Variants in DENND6A observed in about 807,000 individuals in gnomAD.
DENND6A encodes the protein protein DENND6A.
Under a neutral mutation model 95.5 loss-of-function variants are expected in DENND6A, and 43 were observed. The observed-to-expected ratio is 0.45, with a 90% CI of 0.35 to 0.58. The LOEUF (loss-of-function observed/expected upper bound fraction) is 0.58. Among genes scored for constraint, DENND6A ranks in the 20% least tolerant of loss-of-function variants. The pLI is 0.00. For synonymous variants in DENND6A, 257 were observed against 260.4 expected, an observed-to-expected ratio of 0.99 and a Z score of 0.13; for missense variants, 574 against 736.0, an observed-to-expected ratio of 0.78 and a Z score of 2.55.
At position 57,676,375 on chromosome 3, in the gene DENND6A, T is replaced by TAAAA. The variant is rs35465829; in HGVS notation, c.238-3941_238-3938dup. ...AGCCTGGCAAAAGAATAAGATTATT[T>TAAAA]AAAAAAAAAAAAAAAAAAAAAAAGG... On this transcript the variant is annotated intron_variant, in intron 1 of 19. Transcript: ENST00000311128. Among the ~76,000 whole-genome samples the TAAAA allele has an allele frequency of 1.5e-4, 13 of 87,354 alleles. 1 individual carries two copies. The highest frequency in any genetic ancestry group is 2.7e-4 in the Admixed American group (2 of 7,494). The allele number at this position is 87,354 out of a possible 152,430, so 57.3% of individuals were successfully genotyped here.
At chr3:57,629,030 G>A (rs999909830) in intron 18 of DENND6A, 145 bp from the exon 19 acceptor site, 1 of 564,510 alleles carries the variant, frequency 1.8e-6, no homozygotes. Flanking sequence ...TATAGTGCAA[G>A]AATAATTCTC....
At chr3:57,658,369 A>C (rs1575843054) in intron 8 of DENND6A, among the ~76,000 whole-genome samples, 1 of 152,080 alleles carries the variant, frequency 6.6e-6, no homozygotes, top group African/African-American at 2.4e-5. Context: ...TCCCTACAAA[A>C]AATATTAAAA....
At chr3:57,681,588 T>G (rs1392943626) in intron 1 of DENND6A, among the ~76,000 whole-genome samples, 1 of 144,846 alleles carries the variant, frequency 6.9e-6, no homozygotes, top group Non-Finnish European at 1.5e-5. Context: ...CATGCCATTG[T>G]GCTCCAGCCT....
intron 8 of DENND6A, among the ~76,000 whole-genome samples, chr3:57,658,902 T>C (rs1011966293): frequency 2.0e-5 from 3 of 152,118 alleles, no homozygotes; most frequent in Non-Finnish European, 1.5e-5. Context: ...ATATAAATTC[T>C]GAGTTCTCCA....
intron 14 of DENND6A, among the ~76,000 whole-genome samples, chr3:57,633,799 A>G (rs913247345): frequency 1.3e-5 from 2 of 152,068 alleles, no homozygotes; most frequent in Non-Finnish European, 2.9e-5. Flanking sequence ...CTGAGACAGA[A>G]GAATTGCTTG....
At chr3:57,628,397 ATACAT>A in intron 19 of DENND6A, 52 bp from the exon 20 acceptor site, 1 of 1,577,330 alleles carries the variant, frequency 6.3e-7, no homozygotes, top group South Asian at 1.2e-5. Flanking sequence ...ATCTGTATTA[ATACAT>A]TACATTCTCT....
chr3:57,684,912 TG>T (rs1367188899), intron 1 of DENND6A, among the ~76,000 whole-genome samples: 4 of 151,940 alleles, frequency 2.6e-5, no homozygotes, highest in Non-Finnish European at 5.9e-5. Flanking sequence ...AAGATCACAC[TG>T]GGCAACACAA....
chr3:57,634,457 G>C, intron 14 of DENND6A, 101 bp downstream of exon 14: 1 of 501,332 alleles, frequency 2.0e-6, no homozygotes, highest in Non-Finnish European at 3.1e-6. Context: ...AAAAAGGAGA[G>C]ATCCTATTTC....
intron 3 of DENND6A, 115 bp from the exon 4 acceptor site, chr3:57,666,350 G>A (rs1395909453): frequency 3.5e-6 from 3 of 845,794 alleles, no homozygotes; most frequent in Admixed American, 3.2e-5. Context: ...ATTCTGTCAT[G>A]TTTTGGAGGA....
Position 57,629,660 on chromosome 3 carries a change from T to C in DENND6A, c.1620+761A>G, listed in dbSNP as rs1186557195. On this transcript the variant is annotated intron_variant, in intron 18 of 19. Transcript: ENST00000311128. Reference sequence around the variant, plus strand: ...CCGAGTAGCTGGGACTACAGGCGCCTGCCACCACGCCCGGCTAATTTTTTT... The same window carrying C: ...CCGAGTAGCTGGGACTACAGGCGCCCGCCACCACGCCCGGCTAATTTTTTT... 6.0e-5 allele frequency among the ~76,000 whole-genome samples: 9 copies of C among 150,750 alleles called. No homozygotes were observed. In the East Asian group the frequency reaches 1.2e-3, roughly 20 times the overall value.
At chr3:57,634,434 C>CTAAAAA (rs2070749615) in intron 14 of DENND6A, 124 bp downstream of exon 14, 1 of 269,798 alleles carries the variant, frequency 3.7e-6, no homozygotes, top group African/African-American at 3.0e-5. Flanking sequence ...CTCTGTCTCC[C>CTAAAAA]AAAAAAAAAA....
chr3:57,646,833 T>C (rs1400941823), intron 9 of DENND6A, among the ~76,000 whole-genome samples: 2 of 152,212 alleles, frequency 1.3e-5, no homozygotes, highest in Admixed American at 6.5e-5. Flanking sequence ...AGGGCACTTA[T>C]TGGATATACT....
intron 3 of DENND6A, among the ~76,000 whole-genome samples, chr3:57,668,423 T>C (rs1036473856): frequency 6.6e-6 from 1 of 152,180 alleles, no homozygotes; most frequent in Non-Finnish European, 1.5e-5. Flanking sequence ...TAAAATACAG[T>C]GACTTCTGTC....
Position 57,683,533 on chromosome 3 carries a change from C to T in DENND6A, c.237+9249G>A, listed in dbSNP as rs376032578. Reference sequence around the variant, plus strand: ...AGTATCTACTGTGCATTCCACAGGACGGTAAAGCATTTTGCCAACTAAAGG... The same window carrying T: ...AGTATCTACTGTGCATTCCACAGGATGGTAAAGCATTTTGCCAACTAAAGG... On this transcript the variant is annotated intron_variant, in intron 1 of 19. Transcript: ENST00000311128. Among the ~76,000 whole-genome samples the T allele has an allele frequency of 3.3e-5, 5 of 152,190 alleles. No homozygotes were observed. In the East Asian group the frequency reaches 7.7e-4, roughly 23 times the overall value.
chr3:57,676,020 C>T (rs1575860793), intron 1 of DENND6A, among the ~76,000 whole-genome samples: 3 of 151,890 alleles, frequency 2.0e-5, no homozygotes, highest in African/African-American at 4.8e-5. Flanking sequence ...CTGCAGCGAG[C>T]CAAGATCATG....
chr3:57,676,009 G>C (rs2071702840), intron 1 of DENND6A, among the ~76,000 whole-genome samples: 1 of 151,882 alleles, frequency 6.6e-6, no homozygotes, highest in Non-Finnish European at 1.5e-5. Flanking sequence ...GCACATAAAG[G>C]CTGCAGCGAG....
intron 9 of DENND6A, among the ~76,000 whole-genome samples, chr3:57,651,159 C>T (rs1318856385): frequency 1.3e-5 from 2 of 152,150 alleles, no homozygotes; most frequent in Admixed American, 6.5e-5. Flanking sequence ...GGTCGACTTA[C>T]AATTTTTAAC....
At chr3:57,647,041 T>G (rs767214508) in intron 9 of DENND6A, among the ~76,000 whole-genome samples, 15 of 152,194 alleles carry the variant, frequency 9.9e-5, no homozygotes, top group Non-Finnish European at 2.1e-4. Context: ...CTAAGACACT[T>G]GGTAACTTTC....
At chr3:57,632,838 T>C (rs1355346899) in intron 15 of DENND6A, among the ~76,000 whole-genome samples, 1 of 152,214 alleles carries the variant, frequency 6.6e-6, no homozygotes, top group Non-Finnish European at 1.5e-5. Flanking sequence ...ACAGATATAG[T>C]CCCTGTTATC....
Sources: gnomAD v4.1 joint callset for allele counts (sites outside exome capture counted in the v4.1 genomes callset) on GRCh38, gnomAD v4.1.1 for gene constraint, MANE v1.5 for transcripts, NCBI Gene and HGNC (gene_info 2026-07-23, HGNC 2026-07-21) for gene names.